AKAP6: variants seen among roughly 807,000 people sequenced by gnomAD.
The protein encoded by AKAP6 is A-kinase anchor protein 6.
In AKAP6, 58 loss-of-function variants were observed where a neutral mutation model predicts 188.5. The ratio of observed to expected loss-of-function variants is 0.31; its 90% CI spans 0.25 to 0.38. The LOEUF (loss-of-function observed/expected upper bound fraction) is 0.38. AKAP6 is among the 10% of genes least tolerant of loss of function. The pLI is 1.00. For synonymous variants in AKAP6, 989 were observed against 998.6 expected (o/e 0.99, Z 0.18); for missense variants, 2,710 against 2,740.0 (o/e 0.99, Z 0.24).
intron 7 of AKAP6, among the ~76,000 whole-genome samples, chr14:32,621,806 G>A (rs1023735476): frequency 6.6e-6 from 1 of 151,974 alleles, no homozygotes; most frequent in Admixed American, 6.6e-5. Flanking sequence ...TGCATACTTG[G>A]ACATTTTAAG....
At chr14:32,640,091 C>CA (rs201039745) in intron 7 of AKAP6, among the ~76,000 whole-genome samples, 1 of 150,096 alleles carries the variant, frequency 6.7e-6, no homozygotes, top group Non-Finnish European at 1.5e-5. Flanking sequence ...TAACAGAATA[C>CA]AAAAAATAAT....
intron 3 of AKAP6, among the ~76,000 whole-genome samples, chr14:32,539,037 ACT>A (rs879920931): frequency 6.6e-6 from 1 of 152,000 alleles, no homozygotes; most frequent in African/African-American, 2.4e-5. Context: ...TATGTATAAG[ACT>A]CTATGCATTC....
rs1177956992 is a variant in AKAP6, at chr14:32,822,252, T to C, written c.4439T>C (p.Leu1480Ser). 2 of 1,613,864 alleles carry C rather than the reference T, an allele frequency of 1.2e-6. No individual in the cohort carries two copies. Among genetic ancestry groups the C allele is most frequent in the East Asian group, 2.2e-5 (1 of 44,862 alleles). The change falls in exon 13 of 14, where the codon TTA (leucine) becomes TCA (serine). Residue 1480 changes from leucine (L) to serine (S), a missense_variant. Leu to Ser is a moderately radical substitution (Grantham distance 145). Around this residue, in one of 2 missense-constraint regions of AKAP6, gnomAD observed 2,473 missense variants for 2,426.1 expected, o/e 1.02. Transcript: ENST00000280979. The stretch of plus-strand genomic sequence containing the variant: ...TACCTCCAAGGCTCAAAACTCAAAT[T>C]ACCAATGATAATGAAACAGTCACAA... ...YSYLQGSKLKLPMIMKQSQSE... is the reference protein window; with the variant it reads ...YSYLQGSKLKSPMIMKQSQSE...
rs1566512058 is a variant in AKAP6, at chr14:32,454,674, TC to T, written c.324+20859del. On this transcript the variant is annotated intron_variant, in intron 2 of 13. Transcript: ENST00000280979. ...TTCCCTCTCTCCTTCCCTCCTTCCCTCCTTCCCTCCTTCCCTCCCTCCCTCC... is the reference window on the plus strand; with the variant it reads ...TTCCCTCTCTCCTTCCCTCCTTCCCTCTTCCCTCCTTCCCTCCCTCCCTCC... Among the ~76,000 whole-genome samples, 4 of 38,710 alleles carry T rather than the reference TC, an allele frequency of 1.0e-4. No individual in the cohort carries two copies. The African/African-American group carries it at 1.1e-3, about 10-fold the overall frequency. 25.4% of individuals were successfully genotyped at this position (38,710 alleles called of 152,430 possible). A position where few individuals can be genotyped will look rare whatever the true frequency, so the allele number is the denominator to read the frequency against.
Position 32,786,560 on chromosome 14 carries a change from G to A in AKAP6, c.3588+12667G>A, listed in dbSNP as rs2033428855. ...AGGATGGTTTCGATCTCCTGACCTC[G>A]TGATCTGCCTGCCTCGGCCTCCCAA... On this transcript the variant is annotated intron_variant, in intron 12 of 13. Transcript: ENST00000280979. 4.6e-5 allele frequency among the ~76,000 whole-genome samples: 7 copies of A among 151,834 alleles called. 1 individual carries two copies. In the South Asian group the frequency reaches 1.5e-3, roughly 32 times the overall value.
chr14:32,549,336 C>T (rs960141748), intron 4 of AKAP6, among the ~76,000 whole-genome samples: 11 of 152,238 alleles, frequency 7.2e-5, no homozygotes, highest in African/African-American at 2.4e-4. Flanking sequence ...TTGTGAAGTA[C>T]TAAACCTTAA....
At chr14:32,445,414 C>T (rs1890723490) in intron 2 of AKAP6, among the ~76,000 whole-genome samples, 1 of 152,066 alleles carries the variant, frequency 6.6e-6, no homozygotes, top group African/African-American at 2.4e-5. Context: ...ACTCTGTTGC[C>T]CAGGCTGGAG....
At chr14:32,464,996 C>G (rs888453522) in intron 2 of AKAP6, among the ~76,000 whole-genome samples, 4 of 152,118 alleles carry the variant, frequency 2.6e-5, no homozygotes, top group Non-Finnish European at 5.9e-5. Context: ...ACAACTGCTA[C>G]AAAGAGAATA....
chr14:32,677,577 C>A (rs532739242), intron 7 of AKAP6, among the ~76,000 whole-genome samples: 61 of 152,222 alleles, frequency 4.0e-4, no homozygotes, highest in African/African-American at 1.3e-3. Flanking sequence ...TTCTAGGGAA[C>A]CTGAAAGCCA....
chr14:32,513,575 C>T (rs1047772577), intron 2 of AKAP6, among the ~76,000 whole-genome samples: 1 of 152,156 alleles, frequency 6.6e-6, no homozygotes, highest in Non-Finnish European at 1.5e-5. Context: ...TGATATTATA[C>T]TTTGTATCCT....
chr14:32,336,916 T>C (rs1324720711), intron 1 of AKAP6, among the ~76,000 whole-genome samples: 2 of 152,204 alleles, frequency 1.3e-5, no homozygotes, highest in African/African-American at 4.8e-5. Flanking sequence ...CCTATTACAT[T>C]AGCATAAAAG....
In AKAP6 at chr14:32,837,312, C is replaced by G. The variant is rs550270131; in HGVS notation, c.*7507C>G. 32 of 152,262 alleles carry G rather than the reference C, an allele frequency of 2.1e-4. No homozygotes were observed. Among genetic ancestry groups the G allele is most frequent in the African/African-American group, 7.0e-4 (29 of 41,544 alleles). The allele number at this position is 152,262 out of a possible 1,614,324, so 9.4% of individuals were successfully genotyped here. On this transcript the variant is annotated 3_prime_UTR_variant, in exon 14 of 14. Coordinates refer to ENST00000280979, the MANE Select transcript of AKAP6 (RefSeq NM_004274.5). ...TTCTTTGTCCTTACTTAAACCTAAC[C>G]TGCCATTTTAAAAGACACCTAACTC...
In AKAP6 at chr14:32,822,940, C is replaced by A. The variant is rs772611755; in HGVS notation, c.5127C>A (p.Asn1709Lys). Residue 1709 changes from asparagine (N) to lysine (K), a missense_variant, in exon 13 of 14, where the codon AAC (asparagine) becomes AAA (lysine). By Grantham distance (94) the Asn-to-Lys change is moderately conservative. Transcript: ENST00000280979. Reference protein sequence around the residue: ...LCSEDIVLHKNKIPESNASFR... With the variant: ...LCSEDIVLHKKKIPESNASFR... ...CAGAGGATATTGTGTTACACAAGAACAAGATCCCGGAATCGAATGCATCGT... is the reference window on the plus strand; with the variant it reads ...CAGAGGATATTGTGTTACACAAGAAAAAGATCCCGGAATCGAATGCATCGT... The A allele has an allele frequency of 1.2e-6, 2 of 1,613,912 alleles. No homozygotes were observed.
At chr14:32,382,249 T>G (rs1291169923) in intron 1 of AKAP6, among the ~76,000 whole-genome samples, 1 of 151,318 alleles carries the variant, frequency 6.6e-6, no homozygotes, top group East Asian at 1.9e-4. Flanking sequence ...GGAATTCTGC[T>G]TGGAGCCTAC....
rs33960351 is a variant in AKAP6, at chr14:32,449,521, CAAAAA to C, written c.324+15720_324+15724del. On this transcript the variant is annotated intron_variant, in intron 2 of 13. Coordinates refer to ENST00000280979, the MANE Select transcript of AKAP6 (RefSeq NM_004274.5). Reference sequence around the variant, plus strand: ...TGGGCAATGGAGCTAGACTCCATCTCAAAAAAAAAAAAAAAAAAAAGAAAAAGGAA... The same window carrying C: ...TGGGCAATGGAGCTAGACTCCATCTCAAAAAAAAAAAAAAAGAAAAAGGAA... 2.8e-3 allele frequency among the ~76,000 whole-genome samples: 288 copies of C among 104,602 alleles called. 1 individual carries two copies. The highest frequency in any genetic ancestry group is 8.5e-3 in the African/African-American group (257 of 30,140). 68.6% of individuals were successfully genotyped at this position (104,602 alleles called of 152,430 possible).
chr14:32,477,568 G>A (rs1879133555), intron 2 of AKAP6, among the ~76,000 whole-genome samples: 1 of 152,176 alleles, frequency 6.6e-6, no homozygotes, highest in African/African-American at 2.4e-5. Context: ...TTATATGTAT[G>A]TGAATGTCTG....
At chr14:32,415,407 A>G (rs1400892985) in intron 1 of AKAP6, among the ~76,000 whole-genome samples, 2 of 151,888 alleles carry the variant, frequency 1.3e-5, no homozygotes, top group African/African-American at 4.8e-5. Context: ...CTTTAAGTTA[A>G]CTTAGTTTAT....
rs767009644 is a variant in AKAP6 at position 32,546,174 on chromosome 14, A to G, written c.1521A>G (p.Pro507=). 6.2e-7 allele frequency: 1 copy of G among 1,614,106 alleles called. No individual in the cohort carries two copies. Among genetic ancestry groups the G allele is most frequent in the South Asian group, 1.1e-5 (1 of 91,062 alleles). The change falls in exon 4 of 14, where the codon CCA becomes CCG. Residue 507 remains proline, a synonymous_variant. Coordinates refer to ENST00000280979, the MANE Select transcript of AKAP6 (RefSeq NM_004274.5). ...KPHKTSEEVP[P]CRTPKRGTGS... Reference sequence around the variant, plus strand: ...ACAAGACCTCAGAAGAGGTGCCTCCATGCCGAACACCTAAACGGGGGACTG... The same window carrying G: ...ACAAGACCTCAGAAGAGGTGCCTCCGTGCCGAACACCTAAACGGGGGACTG...
chr14:32,667,424 C>T (rs1285047370), intron 7 of AKAP6, among the ~76,000 whole-genome samples: 2 of 152,024 alleles, frequency 1.3e-5, no homozygotes, highest in African/African-American at 4.8e-5. Flanking sequence ...ACATCTTGTT[C>T]AGGAACTTTC....
Sources: gnomAD v4.1 joint callset for allele counts (sites outside exome capture counted in the v4.1 genomes callset) on GRCh38, gnomAD v4.1.1 for gene constraint, gnomAD v4.1.1 regional missense constraint, MANE v1.5 for transcripts, NCBI Gene and HGNC (gene_info 2026-07-23, HGNC 2026-07-21) for gene names.